The following PRORP variants were observed in gnomAD, a reference collection of about 807,000 sequenced individuals.
PRORP encodes protein only RNase P catalytic subunit, also known as mitochondrial ribonuclease P catalytic subunit.
In PRORP, 51 loss-of-function variants were observed where a neutral mutation model predicts 59.4. The ratio of observed to expected loss-of-function variants is 0.86; its 90% CI spans 0.69 to 1.08. The LOEUF is 1.08. Among genes scored for constraint, PRORP ranks in the 50% least tolerant of loss-of-function variants. The pLI is 0.00. For missense variants in PRORP, 646 were observed against 690.3 expected, an observed-to-expected ratio of 0.94 and a Z score of 0.72; for synonymous variants, 231 against 245.6, an observed-to-expected ratio of 0.94 and a Z score of 0.55.
At chr14:35,157,202 G>A (rs147875666) in intron 4 of PRORP, among the ~76,000 whole-genome samples, 2,185 of 151,970 alleles carry the variant, frequency 0.014, 39 homozygotes, top group African/African-American at 0.047. Flanking sequence ...TGATCCTCCC[G>A]CCTCGGCCTC....
chr14:35,136,431 A>G (rs972292002), intron 4 of PRORP, among the ~76,000 whole-genome samples: 26 of 149,194 alleles, frequency 1.7e-4, no homozygotes, highest in Non-Finnish European at 3.0e-4. Context: ...CTGGAGTGCA[A>G]TGGCGCAATC....
chr14:35,255,722 G>A (rs114322056), intron 5 of PRORP, among the ~76,000 whole-genome samples: 1,559 of 152,256 alleles, frequency 0.01, 29 homozygotes, highest in African/African-American at 0.035. Context: ...GAAGACTGGA[G>A]ACTATGTTAC....
Position 35,180,745 on chromosome 14 carries a change from A to T in PRORP, c.1243A>T (p.Lys415Ter). 1 of 1,612,310 alleles carries T rather than the reference A, an allele frequency of 6.2e-7. No homozygotes were observed. The highest frequency in any genetic ancestry group is 8.5e-7 in the Non-Finnish European group (1 of 1,178,758). Reference sequence around the variant, plus strand: ...TGTCATTGATGGTCTCAATGTTGCCAAAATGTTTCCTAAAGTTCGTGAATC... The same window carrying T: ...TGTCATTGATGGTCTCAATGTTGCCTAAATGTTTCCTAAAGTTCGTGAATC... ...DVVIDGLNVA[K>*]MFPKVRESQL... The change falls in exon 5 of 8, where the codon AAA becomes TAA. Residue 415 changes from lysine to a stop codon, truncating the protein, a stop_gained. Coordinates refer to ENST00000534898, the MANE Select transcript of PRORP (RefSeq NM_014672.4). LOFTEE classifies it high-confidence loss of function.
At chr14:35,173,543 C>T (rs1189209369) in intron 4 of PRORP, among the ~76,000 whole-genome samples, 1 of 152,030 alleles carries the variant, frequency 6.6e-6, no homozygotes, top group Non-Finnish European at 1.5e-5. Flanking sequence ...TTTATCCTTT[C>T]TAGGATTCCC....
chr14:35,203,188 C>G (rs1463580796), intron 5 of PRORP, among the ~76,000 whole-genome samples: 3 of 152,120 alleles, frequency 2.0e-5, no homozygotes, highest in Non-Finnish European at 4.4e-5. Flanking sequence ...TTGATGCACT[C>G]AAAAGTTTTG....
chr14:35,270,674 C>T (rs2051164065), intron 7 of PRORP, 78 bp downstream of exon 7: 2 of 1,303,408 alleles, frequency 1.5e-6, no homozygotes, highest in Non-Finnish European at 2.2e-6. Context: ...AAGAGTGTCA[C>T]AACTAATTGA....
intron 5 of PRORP, among the ~76,000 whole-genome samples, chr14:35,188,312 TC>T (rs538889719): frequency 3.6e-4 from 54 of 151,160 alleles, no homozygotes; most frequent in African/African-American, 1.2e-3. Flanking sequence ...TGCCTTAGCC[TC>T]CTGAGTAGCT....
chr14:35,254,754 A>G (rs774278698), intron 5 of PRORP, among the ~76,000 whole-genome samples: 2 of 152,128 alleles, frequency 1.3e-5, no homozygotes, highest in African/African-American at 4.8e-5. Flanking sequence ...AAGACTTTAT[A>G]CAACTTATAA....
intron 4 of PRORP, among the ~76,000 whole-genome samples, chr14:35,175,996 G>T (rs1298460471): frequency 6.6e-6 from 1 of 152,186 alleles, no homozygotes; most frequent in Admixed American, 6.5e-5. Flanking sequence ...ATTAAATAGG[G>T]AATCCTTTCC....
At chr14:35,152,559 G>A (rs879194396) in intron 4 of PRORP, among the ~76,000 whole-genome samples, 8 of 151,006 alleles carry the variant, frequency 5.3e-5, no homozygotes, top group Non-Finnish European at 8.9e-5. Context: ...GGGTGGAGGC[G>A]CCCCCCACCT....
intron 5 of PRORP, among the ~76,000 whole-genome samples, chr14:35,193,308 C>T (rs1453135615): frequency 6.6e-6 from 1 of 152,136 alleles, no homozygotes; most frequent in Non-Finnish European, 1.5e-5. Context: ...TGGCTGACAC[C>T]AGCACTGAAT....
intron 5 of PRORP, among the ~76,000 whole-genome samples, chr14:35,213,636 G>A (rs1334923094): frequency 2.6e-5 from 4 of 151,980 alleles, no homozygotes; most frequent in Non-Finnish European, 4.4e-5. Flanking sequence ...GGGTTAATTG[G>A]CCTAATTTTG....
chr14:35,140,493 T>C (rs2047459386), intron 4 of PRORP, among the ~76,000 whole-genome samples: 1 of 146,062 alleles, frequency 6.8e-6, no homozygotes, highest in African/African-American at 2.4e-5. Flanking sequence ...ATATCTTTGG[T>C]ATAATATTTA....
chr14:35,220,413 A>T (rs1323195281), intron 5 of PRORP, among the ~76,000 whole-genome samples: 1 of 152,202 alleles, frequency 6.6e-6, no homozygotes, highest in African/African-American at 2.4e-5. Context: ...GTTAAGAAAG[A>T]CTAGTCCCAT....
chr14:35,255,767 ATGGAGGAAATTCTCTATGAACAAT>A (rs2050735351), intron 5 of PRORP, among the ~76,000 whole-genome samples: 1 of 152,210 alleles, frequency 6.6e-6, no homozygotes, highest in African/African-American at 2.4e-5. Context: ...TAAAATCTAA[ATGGAGGAAATTCTCTATGAACAAT>A]CATATGCCTT....
intron 4 of PRORP, among the ~76,000 whole-genome samples, chr14:35,139,087 G>A (rs947804562): frequency 6.9e-6 from 1 of 145,242 alleles, no homozygotes; most frequent in East Asian, 2.3e-4. Context: ...CGCCATGCCC[G>A]GCCAAAGATA....
intron 5 of PRORP, among the ~76,000 whole-genome samples, chr14:35,260,574 A>G (rs1402423672): frequency 6.6e-6 from 1 of 152,262 alleles, no homozygotes. Flanking sequence ...ATAGCCACCT[A>G]GGTGCCATAG....
chr14:35,226,535 C>T (rs548339271), intron 5 of PRORP, among the ~76,000 whole-genome samples: 1 of 152,290 alleles, frequency 6.6e-6, no homozygotes, highest in South Asian at 2.1e-4. Context: ...CAGACAACAA[C>T]GCTGTTTAGA....
At chr14:35,241,078 T>C (rs184875835) in intron 5 of PRORP, among the ~76,000 whole-genome samples, 2 of 152,274 alleles carry the variant, frequency 1.3e-5, no homozygotes, top group East Asian at 3.9e-4. Context: ...GAGATGATTT[T>C]AAATATATGG....
Sources: gnomAD v4.1 joint callset for allele counts (sites outside exome capture counted in the v4.1 genomes callset) on GRCh38, gnomAD v4.1.1 for gene constraint, MANE v1.5 for transcripts, NCBI Gene and HGNC (gene_info 2026-07-23, HGNC 2026-07-21) for gene names.